CIB4: variants seen among roughly 807,000 people sequenced by gnomAD.
CIB4 encodes calcium and integrin-binding family member 4.
CIB4 carries 25 observed loss-of-function variants against 25.8 expected under a neutral mutation model. The ratio of observed to expected loss-of-function variants is 0.97; its 90% CI spans 0.71 to 1.35. The LOEUF (loss-of-function observed/expected upper bound fraction) is 1.35, where lower values mean the gene tolerates loss of function less well. Ranked by LOEUF, CIB4 falls within the 40% of genes most tolerant of loss-of-function variation. The pLI, the probability that CIB4 is intolerant of heterozygous loss-of-function variation, is 0.00. For missense variants in CIB4, 235 were observed against 228.2 expected (o/e 1.03, Z -0.19); for synonymous variants, 75 against 81.4 (o/e 0.92, Z 0.42).
intron 4 of CIB4, among the ~76,000 whole-genome samples, chr2:26,589,301 C>T (rs1668542991): frequency 6.7e-6 from 1 of 149,988 alleles, no homozygotes; most frequent in Admixed American, 6.7e-5. Flanking sequence ...TCCTCCTCTC[C>T]TTCTCCTTCT....
chr2:26,615,756 C>G (rs754005774), intron 3 of CIB4, among the ~76,000 whole-genome samples: 2 of 152,288 alleles, frequency 1.3e-5, no homozygotes, highest in Non-Finnish European at 2.9e-5. Flanking sequence ...CGTCCCTCCA[C>G]TGCTGCCTGC....
chr2:26,629,554 CA>C, intron 2 of CIB4, 48 bp from the exon 3 acceptor site: 2 of 1,300,896 alleles, frequency 1.5e-6, no homozygotes, highest in African/African-American at 2.9e-5. Flanking sequence ...AGGAGGCCAG[CA>C]CTGTGTGGCC....
At chr2:26,598,019 G>A (rs991222534) in intron 3 of CIB4, among the ~76,000 whole-genome samples, 1 of 151,878 alleles carries the variant, frequency 6.6e-6, no homozygotes, top group African/African-American at 2.4e-5. Flanking sequence ...ACATTTTTTG[G>A]CCGGGCACGG....
chr2:26,611,467 T>C lies in CIB4; in HGVS notation c.187-16150A>G, dbSNP rs144502536. Among the ~76,000 whole-genome samples, 112 of 152,328 alleles carry C rather than the reference T, an allele frequency of 7.4e-4. 1 individual carries two copies. Among genetic ancestry groups the C allele is most frequent in the African/African-American group, 2.7e-3 (112 of 41,564 alleles). On this transcript the variant is annotated intron_variant, in intron 3 of 6. Transcript: ENST00000288861. ...TTATCACTGATTTGGGTTAAGGATA[T>C]TCCAAAGCCCAGGTTTCTTATTTTG...
intron 3 of CIB4, among the ~76,000 whole-genome samples, chr2:26,598,521 C>T (rs1668722866): frequency 6.6e-6 from 1 of 152,072 alleles, no homozygotes; most frequent in Admixed American, 6.5e-5. Context: ...AGTGAGGAAT[C>T]CGAGTATGGA....
At chr2:26,624,544 C>T (rs1030809364) in intron 3 of CIB4, among the ~76,000 whole-genome samples, 5 of 151,878 alleles carry the variant, frequency 3.3e-5, no homozygotes, top group South Asian at 2.1e-4. Flanking sequence ...TGAAAACACT[C>T]GAGGCTTCTT....
intron 4 of CIB4, among the ~76,000 whole-genome samples, chr2:26,588,078 C>G (rs1281442465): frequency 6.6e-6 from 1 of 152,234 alleles, no homozygotes; most frequent in Non-Finnish European, 1.5e-5. Flanking sequence ...GCTACCACCT[C>G]CATGGGAAAT....
chr2:26,619,310 G>C (rs1315768690), intron 3 of CIB4, among the ~76,000 whole-genome samples: 1 of 152,196 alleles, frequency 6.6e-6, no homozygotes, highest in African/African-American at 2.4e-5. Context: ...GTGGAGACCG[G>C]AAGGAGGGCA....
At chr2:26,582,510 T>A (rs1668367024) in intron 6 of CIB4, among the ~76,000 whole-genome samples, 1 of 151,872 alleles carries the variant, frequency 6.6e-6, no homozygotes, top group South Asian at 2.1e-4. Flanking sequence ...GGCAGTGGGG[T>A]CGTCAGGAGC....
chr2:26,634,918 C>T (rs1032178281), intron 2 of CIB4, among the ~76,000 whole-genome samples: 13 of 152,234 alleles, frequency 8.5e-5, no homozygotes, highest in African/African-American at 3.1e-4. Flanking sequence ...CCGAAGAGCT[C>T]GGGCTGAGCC....
chr2:26,632,035 C>T (rs182655918), intron 2 of CIB4, among the ~76,000 whole-genome samples: 14 of 152,058 alleles, frequency 9.2e-5, no homozygotes, highest in African/African-American at 2.9e-4. Context: ...TGCTTCCCGC[C>T]GGGTTGCTCA....
At chr2:26,637,480 A>T (rs1263214120) in intron 2 of CIB4, among the ~76,000 whole-genome samples, 1 of 151,698 alleles carries the variant, frequency 6.6e-6, no homozygotes, top group East Asian at 1.9e-4. Flanking sequence ...TAGTAAACAG[A>T]GGTCAAAGAA....
chr2:26,599,521 A>G (rs1297033833), intron 3 of CIB4, among the ~76,000 whole-genome samples: 1 of 152,184 alleles, frequency 6.6e-6, no homozygotes, highest in African/African-American at 2.4e-5. Context: ...CGCCTAGTCA[A>G]AAAAAGCTTT....
chr2:26,629,434 C>T lies in CIB4; in HGVS notation c.162G>A (p.Gln54=), dbSNP rs1190801337. 1 of 1,581,538 alleles carries T rather than the reference C, an allele frequency of 6.3e-7. No individual in the cohort carries two copies. Among genetic ancestry groups the T allele is most frequent in the Non-Finnish European group, 8.6e-7 (1 of 1,163,464 alleles). ...YYKEATLTMD[Q]VSSLPALRVN... ...CCCGCAGAGCTGGCAGGGAGCTGAC[C>T]TGGTCCATGGTGAGCGTTGCCTCCT... The change falls in exon 3 of 7, where the codon CAG becomes CAA. Residue 54 remains glutamine (Q), a synonymous_variant. Coordinates refer to ENST00000288861, the MANE Select transcript of CIB4 (RefSeq NM_001029881.3).
At chr2:26,621,326 C>T (rs898808444) in intron 3 of CIB4, among the ~76,000 whole-genome samples, 4 of 147,774 alleles carry the variant, frequency 2.7e-5, no homozygotes, top group Admixed American at 6.7e-5. Context: ...TCAATAACAA[C>T]GGTGAAAGCT....
chr2:26,624,689 T>A (rs924389935), intron 3 of CIB4, among the ~76,000 whole-genome samples: 1 of 130,890 alleles, frequency 7.6e-6, no homozygotes, highest in Non-Finnish European at 1.6e-5. Context: ...AAAAAAGATT[T>A]TGTTTTTGAA....
At chr2:26,591,630 C>T (rs1668588148) in intron 4 of CIB4, among the ~76,000 whole-genome samples, 1 of 152,232 alleles carries the variant, frequency 6.6e-6, no homozygotes, top group African/African-American at 2.4e-5. Context: ...ATCCCCAACC[C>T]CCTTGAGTGT....
chr2:26,617,617 C>T (rs557936488), intron 3 of CIB4, among the ~76,000 whole-genome samples: 32 of 152,282 alleles, frequency 2.1e-4, no homozygotes, highest in Non-Finnish European at 3.8e-4. Context: ...CAATCTGCTG[C>T]TTTTCATTAA....
At chr2:26,593,845 TCGTGTA>T (rs1668632419) in intron 4 of CIB4, among the ~76,000 whole-genome samples, 1 of 152,238 alleles carries the variant, frequency 6.6e-6, no homozygotes, top group Non-Finnish European at 1.5e-5. Context: ...GAGTTTGCCC[TCGTGTA>T]TGTGGTGTAG....
Sources: gnomAD v4.1 joint callset for allele counts (sites outside exome capture counted in the v4.1 genomes callset) on GRCh38, gnomAD v4.1.1 for gene constraint, MANE v1.5 for transcripts, NCBI Gene and HGNC (gene_info 2026-07-23, HGNC 2026-07-21) for gene names.